The following ERBIN variants were observed in gnomAD, a reference collection of about 807,000 sequenced individuals.
ERBIN encodes densin-180-like protein.
Under a neutral mutation model 158.4 loss-of-function variants are expected in ERBIN, and 60 were observed. That is an observed-to-expected ratio of 0.38 (90% CI 0.31 to 0.47). The LOEUF (loss-of-function observed/expected upper bound fraction) is 0.47, where lower values mean the gene tolerates loss of function less well. Ranked by LOEUF, ERBIN falls within the 20% of genes least tolerant of loss-of-function variation. The pLI is 0.99. For missense variants in ERBIN, 1,610 were observed against 1,648.0 expected, an observed-to-expected ratio of 0.98 and a Z score of 0.40; for synonymous variants, 594 against 557.2, an observed-to-expected ratio of 1.07 and a Z score of -0.93.
intron 21 of ERBIN, among the ~76,000 whole-genome samples, chr5:66,056,919 C>G (rs77278563): frequency 0.03 from 4,542 of 152,204 alleles, 98 homozygotes; most frequent in Middle Eastern, 0.058. Context: ...TACCATAACT[C>G]TACTGCATTC....
intron 21 of ERBIN, among the ~76,000 whole-genome samples, chr5:66,056,509 T>G (rs1759593737): frequency 6.6e-6 from 1 of 152,090 alleles, no homozygotes; most frequent in African/African-American, 2.4e-5. Flanking sequence ...AAGCAAGTAG[T>G]AACTATCTCA....
rs1330860930 is a variant in ERBIN at position 65,994,718 on chromosome 5, T to C, written c.190-29T>C. The C allele has an allele frequency of 1.6e-6, 2 of 1,242,946 alleles. 1 individual carries two copies. Among genetic ancestry groups the C allele is most frequent in the South Asian group, 2.6e-5 (2 of 77,666 alleles). The allele number at this position is 1,242,946 out of a possible 1,614,324, so 77.0% of individuals were successfully genotyped here. On this transcript the variant is annotated intron_variant, in intron 3 of 25. Transcript: ENST00000284037. The stretch of plus-strand genomic sequence containing the variant: ...TGAAATATTTAAAGATGTATATAAT[T>C]GACATTCTTTCCTCCCTTTTTTCAA...
intron 21 of ERBIN, among the ~76,000 whole-genome samples, chr5:66,071,722 A>AT (rs372294339): frequency 0.077 from 10,232 of 133,358 alleles, 639 homozygotes; most frequent in African/African-American, 0.18. Flanking sequence ...ACAGCAGTTA[A>AT]TTTTTTTTTT....
chr5:65,982,875 C>A (rs952603601), intron 1 of ERBIN, among the ~76,000 whole-genome samples: 2 of 151,786 alleles, frequency 1.3e-5, no homozygotes, highest in Non-Finnish European at 3.0e-5. Context: ...CACAAATGTA[C>A]TTTTATTCAG....
chr5:65,979,403 G>A (rs775472516), intron 1 of ERBIN, among the ~76,000 whole-genome samples: 3 of 152,084 alleles, frequency 2.0e-5, no homozygotes, highest in Non-Finnish European at 4.4e-5. Context: ...CTTCAGCCTG[G>A]GTGACTGAGA....
intron 1 of ERBIN, among the ~76,000 whole-genome samples, chr5:65,951,573 T>A (rs1746505618): frequency 6.6e-6 from 1 of 152,168 alleles, no homozygotes; most frequent in African/African-American, 2.4e-5. Flanking sequence ...CCATAGCTAT[T>A]TTAGAGCAGT....
chr5:65,973,786 G>A (rs1195063941), intron 1 of ERBIN, among the ~76,000 whole-genome samples: 1 of 151,274 alleles, frequency 6.6e-6, no homozygotes, highest in African/African-American at 2.5e-5. Context: ...AAGGCAAATT[G>A]GGAATAGATT....
intron 19 of ERBIN, 21 bp from the exon 20 acceptor site, chr5:66,050,762 C>T: frequency 6.9e-7 from 1 of 1,454,984 alleles, no homozygotes; most frequent in Middle Eastern, 1.9e-4. Context: ...TATCATTAAT[C>T]TTAAATTTGT....
intron 21 of ERBIN, among the ~76,000 whole-genome samples, chr5:66,066,952 A>G (rs577431865): frequency 1.4e-4 from 21 of 152,192 alleles, no homozygotes; most frequent in Non-Finnish European, 2.8e-4. Flanking sequence ...CAGTAAGCTC[A>G]TGTGTTTGGA....
intron 3 of ERBIN, among the ~76,000 whole-genome samples, chr5:65,993,423 C>A (rs970663394): frequency 6.6e-6 from 1 of 152,094 alleles, no homozygotes; most frequent in Non-Finnish European, 1.5e-5. Flanking sequence ...CTAGTAACAA[C>A]TGAAAGGAGA....
At chr5:66,018,915 G>A (rs1188184725) in intron 7 of ERBIN, among the ~76,000 whole-genome samples, 2 of 151,806 alleles carry the variant, frequency 1.3e-5, no homozygotes, top group East Asian at 1.9e-4. Flanking sequence ...GATTACAGGC[G>A]TGAGCCAGTG....
intron 21 of ERBIN, among the ~76,000 whole-genome samples, chr5:66,055,313 T>C (rs1759480108): frequency 6.6e-6 from 1 of 152,226 alleles, no homozygotes; most frequent in Non-Finnish European, 1.5e-5. Flanking sequence ...TAGTTTACTA[T>C]ATAGTTAAGA....
rs769888327 is a variant in ERBIN, at chr5:66,048,653, C to T, written c.1789-14C>T. 3.9e-6 allele frequency: 6 copies of T among 1,524,662 alleles called. No homozygotes were observed. The highest frequency in any genetic ancestry group is 1.2e-5 in the South Asian group (1 of 85,198). 94.4% of individuals were successfully genotyped at this position (1,524,662 alleles called of 1,614,324 possible). A position where few individuals can be genotyped will look rare whatever the true frequency, so the allele number is the denominator to read the frequency against. The stretch of plus-strand genomic sequence containing the variant: ...AAAATTTAATTTTTATCCCCCTCAC[C>T]CCCTTTTCACTAGGAATCTGAAGAA... On this transcript the variant is annotated splice_polypyrimidine_tract_variant and intron_variant, in intron 18 of 25. Transcript: ENST00000284037.
At chr5:66,027,550 G>T (rs1159342692) in intron 13 of ERBIN, among the ~76,000 whole-genome samples, 1 of 151,988 alleles carries the variant, frequency 6.6e-6, no homozygotes, top group Non-Finnish European at 1.5e-5. Flanking sequence ...TACTGAACGT[G>T]TACCAACTTT....
intron 14 of ERBIN, among the ~76,000 whole-genome samples, chr5:66,028,682 T>C (rs1490684991): frequency 1.3e-5 from 2 of 152,132 alleles, no homozygotes; most frequent in African/African-American, 4.8e-5. Context: ...ACTCGGCAAT[T>C]TCAAGACTAT....
chr5:65,985,781 C>CT (rs1751160914), intron 1 of ERBIN, among the ~76,000 whole-genome samples: 1 of 152,168 alleles, frequency 6.6e-6, no homozygotes, highest in Non-Finnish European at 1.5e-5. Context: ...GATTCTAGTT[C>CT]TTCTGTTCTT....
intron 1 of ERBIN, among the ~76,000 whole-genome samples, chr5:65,978,751 AT>A (rs1750318340): frequency 6.6e-6 from 1 of 152,238 alleles, no homozygotes; most frequent in Non-Finnish European, 1.5e-5. Flanking sequence ...ATAATTAAGC[AT>A]GATGCTTGGG....
At chr5:66,032,628 T>C (rs141509986) in intron 14 of ERBIN, among the ~76,000 whole-genome samples, 2 of 152,116 alleles carry the variant, frequency 1.3e-5, no homozygotes, top group Non-Finnish European at 1.5e-5. Flanking sequence ...TAGAAAGGCC[T>C]TTTTGGCTGC....
In ERBIN at chr5:66,073,979, A is replaced by G. The variant is rs1761752388; in HGVS notation, c.3757-1045A>G. ...CTGCAGCCTCAAACTACTGGGCTCA[A>G]ATGATCCTCCTACTTGAGCCTCCCA... On this transcript the variant is annotated intron_variant, in intron 22 of 25. Transcript: ENST00000284037. 2.0e-5 allele frequency among the ~76,000 whole-genome samples: 3 copies of G among 151,778 alleles called. No homozygotes were observed. The South Asian group carries it at 6.3e-4, about 32-fold the overall frequency.
Sources: gnomAD v4.1 joint callset for allele counts (sites outside exome capture counted in the v4.1 genomes callset) on GRCh38, gnomAD v4.1.1 for gene constraint, MANE v1.5 for transcripts, NCBI Gene and HGNC (gene_info 2026-07-23, HGNC 2026-07-21) for gene names.